NDUFAF2: variants seen among roughly 807,000 people sequenced by gnomAD.
The protein encoded by NDUFAF2 is NADH:ubiquinone oxidoreductase complex assembly factor 2.
A neutral mutation model predicts 22.8 loss-of-function variants in NDUFAF2; 13 were observed. The ratio of observed to expected loss-of-function variants is 0.57; its 90% CI spans 0.37 to 0.91. The LOEUF (loss-of-function observed/expected upper bound fraction) is 0.91. Ranked by LOEUF, NDUFAF2 falls within the 40% of genes least tolerant of loss-of-function variation. The probability of loss-of-function intolerance (pLI) is 0.01; values close to 1 mark genes in which losing one functional copy is unlikely to be tolerated. For synonymous variants in NDUFAF2, 53 were observed against 64.2 expected (o/e 0.83, Z 0.84); for missense variants, 162 against 195.2 (o/e 0.83, Z 1.01).
At chr5:60,966,220 A>G (rs4700402) in intron 1 of NDUFAF2, among the ~76,000 whole-genome samples, 60,488 of 151,812 alleles carry the variant, frequency 0.4, 12,973 homozygotes, top group East Asian at 0.8. Context: ...ATCAGTTATT[A>G]GTTTTTTTTC....
intron 1 of NDUFAF2, among the ~76,000 whole-genome samples, chr5:61,007,144 G>T (rs952765335): frequency 2.6e-5 from 4 of 151,748 alleles, no homozygotes; most frequent in Non-Finnish European, 5.9e-5. Flanking sequence ...GTCAATTTTG[G>T]CTTTTGTTGC....
At chr5:61,089,895 T>G (rs1580128963) in intron 2 of NDUFAF2, among the ~76,000 whole-genome samples, 1 of 152,076 alleles carries the variant, frequency 6.6e-6, no homozygotes, top group East Asian at 1.9e-4. Context: ...TTTTTAATGA[T>G]TTGTATTCAA....
intron 1 of NDUFAF2, among the ~76,000 whole-genome samples, chr5:60,952,635 C>T (rs905810896): frequency 2.0e-5 from 3 of 151,906 alleles, no homozygotes; most frequent in Non-Finnish European, 4.4e-5. Flanking sequence ...TCTGTTTGTG[C>T]TTGAGAAAAA....
intron 1 of NDUFAF2, among the ~76,000 whole-genome samples, chr5:61,048,757 C>T (rs1751986965): frequency 6.6e-6 from 1 of 152,090 alleles, no homozygotes; most frequent in South Asian, 2.1e-4. Context: ...ACCACCATTC[C>T]TCTCTATGAC....
At chr5:61,132,305 A>C (rs1753122060) in intron 3 of NDUFAF2, among the ~76,000 whole-genome samples, 1 of 152,196 alleles carries the variant, frequency 6.6e-6, no homozygotes, top group Non-Finnish European at 1.5e-5. Flanking sequence ...AAGTGAAAGA[A>C]AGAGGGCTTC....
intron 1 of NDUFAF2, among the ~76,000 whole-genome samples, chr5:60,986,621 A>C (rs1751081782): frequency 6.6e-6 from 1 of 152,144 alleles, no homozygotes; most frequent in Non-Finnish European, 1.5e-5. Flanking sequence ...TCAGAGCTGA[A>C]CTGAAGGAGA....
chr5:61,005,718 T>C (rs193251842), intron 1 of NDUFAF2, among the ~76,000 whole-genome samples: 1 of 152,368 alleles, frequency 6.6e-6, no homozygotes, highest in Admixed American at 6.5e-5. Context: ...TTCATGTGTC[T>C]GTTGGCTGCA....
chr5:60,992,813 T>G (rs1015467244), intron 1 of NDUFAF2, among the ~76,000 whole-genome samples: 1 of 152,172 alleles, frequency 6.6e-6, no homozygotes, highest in Non-Finnish European at 1.5e-5. Context: ...GTTTAAAAAT[T>G]TTTTCCTTTA....
At chr5:61,019,353 G>C (rs1031468122) in intron 1 of NDUFAF2, among the ~76,000 whole-genome samples, 93 of 152,072 alleles carry the variant, frequency 6.1e-4, no homozygotes, top group African/African-American at 2.2e-3. Context: ...ATAAGTATTA[G>C]CTGCTATTCT....
intron 1 of NDUFAF2, among the ~76,000 whole-genome samples, chr5:61,006,188 T>G (rs1254337047): frequency 6.6e-6 from 1 of 152,220 alleles, no homozygotes; most frequent in South Asian, 2.1e-4. Context: ...GCACCATTTA[T>G]TAAATAGGGA....
chr5:61,015,362 A>G (rs1751492326), intron 1 of NDUFAF2, among the ~76,000 whole-genome samples: 1 of 152,052 alleles, frequency 6.6e-6, no homozygotes, highest in Non-Finnish European at 1.5e-5. Flanking sequence ...GCTCACTGCA[A>G]CCTCTGCCTC....
At position 61,123,187 on chromosome 5, in the gene NDUFAF2, T is replaced by C. The variant is rs572791806; in HGVS notation, c.258+24155T>C. ...AGTATCTTGCTCCCCTTCCCTGGAT[T>C]ACTTGTTCAACATAAGCCATAAAAA... On this transcript the variant is annotated intron_variant, in intron 3 of 3. Coordinates refer to ENST00000296597, the MANE Select transcript of NDUFAF2 (RefSeq NM_174889.5). Among the ~76,000 whole-genome samples, 3 of 152,294 alleles carry C rather than the reference T, an allele frequency of 2.0e-5. No individual in the cohort carries two copies. In the East Asian group the frequency reaches 5.8e-4, roughly 29 times the overall value.
chr5:61,145,114 C>T (rs1444507278), intron 3 of NDUFAF2, among the ~76,000 whole-genome samples: 1 of 151,984 alleles, frequency 6.6e-6, no homozygotes, highest in Non-Finnish European at 1.5e-5. Context: ...TTTAAAAAAA[C>T]AAACTTTAAA....
At chr5:60,945,628 C>T (rs568593616) in intron 1 of NDUFAF2, among the ~76,000 whole-genome samples, 4 of 152,220 alleles carry the variant, frequency 2.6e-5, no homozygotes, top group African/African-American at 4.8e-5. Flanking sequence ...AGCGCCTTCC[C>T]CCGGCGTGCC....
chr5:61,140,988 G>A (rs774401879), intron 3 of NDUFAF2, among the ~76,000 whole-genome samples: 39 of 152,160 alleles, frequency 2.6e-4, no homozygotes, highest in Admixed American at 7.2e-4. Flanking sequence ...CAGCACTTTG[G>A]GAGGCCAAGG....
intron 1 of NDUFAF2, among the ~76,000 whole-genome samples, chr5:60,977,836 CAA>C (rs373286895): frequency 1.1e-4 from 13 of 116,496 alleles, no homozygotes; most frequent in Non-Finnish European, 1.0e-4. Context: ...GACTCTGTCT[CAA>C]AAAAAAAAAA....
intron 3 of NDUFAF2, among the ~76,000 whole-genome samples, chr5:61,131,199 CT>C (rs78833819): frequency 2.1e-3 from 292 of 141,484 alleles, no homozygotes; most frequent in Middle Eastern, 3.7e-3. Flanking sequence ...ACTTTTTTTT[CT>C]TTTTTTTTTT....
intron 1 of NDUFAF2, among the ~76,000 whole-genome samples, chr5:61,022,075 C>T (rs1166590474): frequency 6.6e-6 from 1 of 152,184 alleles, no homozygotes; most frequent in Non-Finnish European, 1.5e-5. Context: ...ATCTGCTTTA[C>T]TCAAAGTCTA....
chr5:61,067,491 A>C (rs955898378), intron 1 of NDUFAF2, among the ~76,000 whole-genome samples: 3 of 152,146 alleles, frequency 2.0e-5, no homozygotes, highest in African/African-American at 7.2e-5. Context: ...ACATGAACTC[A>C]TCATTTTTTA....
Sources: allele counts gnomAD v4.1 joint callset (sites outside exome capture counted in the v4.1 genomes callset), GRCh38; gene constraint gnomAD v4.1.1; transcripts MANE v1.5; gene names NCBI Gene and HGNC (gene_info 2026-07-23, HGNC 2026-07-21).